TAOK1: variants seen among roughly 807,000 people sequenced by gnomAD.
The protein encoded by TAOK1 is TAO kinase 1.
In TAOK1, 21 loss-of-function variants were observed where a neutral mutation model predicts 138.3. That is an observed-to-expected ratio of 0.15 (90% CI 0.11 to 0.22). The LOEUF (loss-of-function observed/expected upper bound fraction) is 0.22. Ranked by LOEUF, TAOK1 falls within the 10% of genes least tolerant of loss-of-function variation. The pLI, the probability that TAOK1 is intolerant of heterozygous loss-of-function variation, is 1.00. For missense variants in TAOK1, 651 were observed against 1,227.7 expected, an observed-to-expected ratio of 0.53 and a Z score of 7.02; for synonymous variants, 361 against 398.4, an observed-to-expected ratio of 0.91 and a Z score of 1.12.
intron 1 of TAOK1, among the ~76,000 whole-genome samples, chr17:29,436,697 A>G (rs1365384291): frequency 6.6e-6 from 1 of 152,234 alleles, no homozygotes; most frequent in Non-Finnish European, 1.5e-5. Flanking sequence ...TATGATTGAT[A>G]GCAAATACGG....
intron 1 of TAOK1, among the ~76,000 whole-genome samples, chr17:29,435,085 A>G (rs907424591): frequency 1.3e-5 from 2 of 152,130 alleles, no homozygotes; most frequent in Non-Finnish European, 2.9e-5. Context: ...AACCTCTGTG[A>G]TGGGCATCCT....
chr17:29,400,120 G>A (rs1016467094), intron 1 of TAOK1, among the ~76,000 whole-genome samples: 1 of 152,066 alleles, frequency 6.6e-6, no homozygotes, highest in South Asian at 2.1e-4. Flanking sequence ...CAGGCCGGGC[G>A]TGGTGGCTCA....
chr17:29,423,088 T>C (rs1353876712), intron 1 of TAOK1, among the ~76,000 whole-genome samples: 3 of 150,258 alleles, frequency 2.0e-5, no homozygotes, highest in Non-Finnish European at 3.0e-5. Context: ...TTCTTTTTTT[T>C]CCCCCATTTT....
intron 16 of TAOK1, among the ~76,000 whole-genome samples, chr17:29,520,617 G>A (rs1052325716): frequency 2.0e-5 from 3 of 151,762 alleles, no homozygotes; most frequent in African/African-American, 7.3e-5. Context: ...GTTTCACCAT[G>A]TTGACCAGGT....
chr17:29,510,539 A>G (rs185504309), intron 14 of TAOK1, among the ~76,000 whole-genome samples: 1 of 152,320 alleles, frequency 6.6e-6, no homozygotes, highest in East Asian at 1.9e-4. Flanking sequence ...TCAGAAATAA[A>G]ATATAGCATT....
intron 1 of TAOK1, among the ~76,000 whole-genome samples, chr17:29,406,817 C>G (rs977442233): frequency 6.6e-6 from 1 of 152,146 alleles, no homozygotes; most frequent in African/African-American, 2.4e-5. Flanking sequence ...ATCCTCACAC[C>G]TCGGCCTCCC....
chr17:29,421,123 T>C (rs1905431384), intron 1 of TAOK1, among the ~76,000 whole-genome samples: 1 of 151,570 alleles, frequency 6.6e-6, no homozygotes, highest in African/African-American at 2.4e-5. Flanking sequence ...AGAGACAGGT[T>C]TTCCCCATGT....
At chr17:29,490,169 A>G (rs2031269943) in intron 9 of TAOK1, among the ~76,000 whole-genome samples, 1 of 152,100 alleles carries the variant, frequency 6.6e-6, no homozygotes, top group African/African-American at 2.4e-5. Context: ...ATATAAAAAT[A>G]TAAGTAAAAT....
At chr17:29,501,617 C>G (rs1340290939) in intron 12 of TAOK1, among the ~76,000 whole-genome samples, 2 of 152,048 alleles carry the variant, frequency 1.3e-5, no homozygotes, top group African/African-American at 2.4e-5. Flanking sequence ...AACCCAAGAG[C>G]CTTTGAGCAA....
At chr17:29,494,780 C>T (rs1487454543) in intron 10 of TAOK1, among the ~76,000 whole-genome samples, 2 of 145,708 alleles carry the variant, frequency 1.4e-5, no homozygotes, top group East Asian at 2.0e-4. Context: ...GAGCCGCAAT[C>T]GCGCCACTGC....
intron 3 of TAOK1, 57 bp from the exon 4 acceptor site, chr17:29,475,613 T>C: frequency 3.4e-6 from 4 of 1,165,074 alleles, no homozygotes; most frequent in South Asian, 2.7e-5. Context: ...TTTATTCTTA[T>C]ATAACTTTCT....
chr17:29,473,924 G>A (rs971396436), intron 3 of TAOK1, among the ~76,000 whole-genome samples: 4 of 151,964 alleles, frequency 2.6e-5, no homozygotes, highest in Non-Finnish European at 5.9e-5. Flanking sequence ...TGGAGATGGG[G>A]TTTCACCTTG....
At chr17:29,505,922 G>A (rs1598512640) in intron 13 of TAOK1, among the ~76,000 whole-genome samples, 1 of 152,128 alleles carries the variant, frequency 6.6e-6, no homozygotes, top group African/African-American at 2.4e-5. Flanking sequence ...GCAACCCACC[G>A]ACCCTGTCTT....
intron 2 of TAOK1, among the ~76,000 whole-genome samples, chr17:29,454,929 T>G (rs2153024545): frequency 6.6e-6 from 1 of 151,998 alleles, no homozygotes; most frequent in South Asian, 2.1e-4. Context: ...TATTTTTTGT[T>G]TTTTGTTGAG....
At chr17:29,412,744 T>C (rs1168241349) in intron 1 of TAOK1, among the ~76,000 whole-genome samples, 2 of 152,200 alleles carry the variant, frequency 1.3e-5, no homozygotes, top group Non-Finnish European at 2.9e-5. Flanking sequence ...ATAGAGAATT[T>C]GGCAGTGAAC....
In TAOK1 at chr17:29,488,615, AT is replaced by A. The variant is rs2031230616; in HGVS notation, c.656-1043del. ...ATAATAATAATAATAATAATTGTTA[AT>A]TTTTTAATTGTTAAAACAATTTTTT... On this transcript the variant is annotated intron_variant, in intron 8 of 19. Coordinates refer to ENST00000261716, the MANE Select transcript of TAOK1 (RefSeq NM_020791.4). 3.0e-5 allele frequency among the ~76,000 whole-genome samples: 4 copies of A among 133,056 alleles called. No homozygotes were observed. The Admixed American group carries it at 3.0e-4, about 10-fold the overall frequency. 87.3% of individuals were successfully genotyped at this position (133,056 alleles called of 152,430 possible).
At chr17:29,391,635 G>C (rs1904434281) in intron 1 of TAOK1, among the ~76,000 whole-genome samples, 1 of 152,160 alleles carries the variant, frequency 6.6e-6, no homozygotes, top group Admixed American at 6.5e-5. Flanking sequence ...CCTTGAAAAG[G>C]TTACTCTTTT....
intron 19 of TAOK1, among the ~76,000 whole-genome samples, chr17:29,540,476 T>A (rs2032296903): frequency 1.3e-5 from 2 of 152,220 alleles, no homozygotes; most frequent in East Asian, 3.8e-4. Flanking sequence ...GTGATTCTCC[T>A]GCCTCAGACT....
chr17:29,467,285 T>C (rs1178533373), intron 3 of TAOK1, 69 bp downstream of exon 3: 3 of 1,008,440 alleles, frequency 3.0e-6, no homozygotes, highest in South Asian at 3.5e-5. Flanking sequence ...ACATTCTTTT[T>C]TTTTTTGAGA....
Sources: gnomAD v4.1 joint callset for allele counts (sites outside exome capture counted in the v4.1 genomes callset) on GRCh38, gnomAD v4.1.1 for gene constraint, MANE v1.5 for transcripts, NCBI Gene and HGNC (gene_info 2026-07-23, HGNC 2026-07-21) for gene names.